Variants in FGF14 observed in about 807,000 individuals in gnomAD.
FGF14 encodes the protein fibroblast growth factor homologous factor 4.
In FGF14, 5 loss-of-function variants were observed where a neutral mutation model predicts 25.5. That is an observed-to-expected ratio of 0.20 (90% CI 0.10 to 0.41). FGF14 has a LOEUF of 0.41. FGF14 is among the 10% of genes least tolerant of loss of function. FGF14 has a pLI of 1.00. For missense variants in FGF14, 222 were observed against 320.1 expected (o/e 0.69, Z 2.34); for synonymous variants, 138 against 118.3 (o/e 1.17, Z -1.08).
At chr13:102,137,910 AGG>A (rs1175849432) in intron 1 of FGF14, among the ~76,000 whole-genome samples, 1 of 146,408 alleles carries the variant, frequency 6.8e-6, no homozygotes, top group Non-Finnish European at 1.5e-5. Flanking sequence ...GCCTCAGTCC[AGG>A]GTGATGGAGG....
At chr13:101,738,305 A>AT (rs564157136) in intron 3 of FGF14, among the ~76,000 whole-genome samples, 2 of 152,138 alleles carry the variant, frequency 1.3e-5, no homozygotes, top group African/African-American at 2.4e-5. Context: ...AAGGGGTTTA[A>AT]TTTTTTCCCC....
intron 1 of FGF14, among the ~76,000 whole-genome samples, chr13:102,057,367 G>C (rs186207631): frequency 1.6e-4 from 24 of 152,278 alleles, no homozygotes; most frequent in Admixed American, 1.2e-3. Context: ...TCAGTCAACA[G>C]TGAGTCTGAT....
At chr13:102,169,831 C>T (rs1189387844) in intron 1 of FGF14, among the ~76,000 whole-genome samples, 1 of 149,102 alleles carries the variant, frequency 6.7e-6, no homozygotes, top group Non-Finnish European at 1.5e-5. Context: ...TATAGCTACA[C>T]CACCCAGTCC....
intron 1 of FGF14, among the ~76,000 whole-genome samples, chr13:102,344,143 T>A (rs949399507): frequency 1.3e-5 from 2 of 152,208 alleles, no homozygotes; most frequent in African/African-American, 4.8e-5. Context: ...TGATCCTCCA[T>A]GAATAAATTA....
intron 1 of FGF14, among the ~76,000 whole-genome samples, chr13:102,119,905 G>C (rs2045640412): frequency 6.6e-6 from 1 of 152,082 alleles, no homozygotes; most frequent in Non-Finnish European, 1.5e-5. Flanking sequence ...GCCAGGATGG[G>C]GCTTGGGCAT....
chr13:102,315,291 C>CT (rs1304711463), intron 1 of FGF14, among the ~76,000 whole-genome samples: 1 of 152,136 alleles, frequency 6.6e-6, no homozygotes, highest in Non-Finnish European at 1.5e-5. Flanking sequence ...GTCAGTCACA[C>CT]TTTCACAGAC....
At chr13:102,116,010 T>C (rs2045453074) in intron 1 of FGF14, among the ~76,000 whole-genome samples, 1 of 152,060 alleles carries the variant, frequency 6.6e-6, no homozygotes, top group African/African-American at 2.4e-5. Flanking sequence ...CCAAGGAGGC[T>C]GAGGCAGGAG....
chr13:102,308,934 A>C (rs2390701), intron 1 of FGF14, among the ~76,000 whole-genome samples: 70,841 of 139,516 alleles, frequency 0.51, 18,540 homozygotes, highest in Middle Eastern at 0.62. Context: ...AAAAAAAAAA[A>C]CACAAAAAAA....
intron 3 of FGF14, among the ~76,000 whole-genome samples, chr13:101,802,671 T>C (rs1472431058): frequency 6.6e-6 from 1 of 152,230 alleles, no homozygotes; most frequent in African/African-American, 2.4e-5. Flanking sequence ...AAATTATATG[T>C]ATTTCCAAAC....
At chr13:101,841,365 G>T (rs2043183119) in intron 3 of FGF14, among the ~76,000 whole-genome samples, 1 of 151,874 alleles carries the variant, frequency 6.6e-6, no homozygotes, top group African/African-American at 2.4e-5. Context: ...CTGGGTTCCA[G>T]GTCAAAGATC....
intron 1 of FGF14, among the ~76,000 whole-genome samples, chr13:102,164,717 T>C (rs2047924993): frequency 6.6e-6 from 1 of 152,174 alleles, no homozygotes; most frequent in African/African-American, 2.4e-5. Context: ...TCAGTTTGAC[T>C]AGTCACGGTT....
At chr13:102,077,538 T>A (rs2043420425) in intron 1 of FGF14, among the ~76,000 whole-genome samples, 1 of 152,150 alleles carries the variant, frequency 6.6e-6, no homozygotes, top group South Asian at 2.1e-4. Flanking sequence ...ATATGAAAAA[T>A]GTTCGGCATC....
At chr13:101,765,699 TTTA>T (rs1329517281) in intron 3 of FGF14, among the ~76,000 whole-genome samples, 106 of 150,684 alleles carry the variant, frequency 7.0e-4, no homozygotes, top group South Asian at 1.2e-3. Context: ...AAGCCTTTTA[TTTA>T]TTATTATTAT....
At chr13:102,201,109 A>G (rs2049620516) in intron 1 of FGF14, among the ~76,000 whole-genome samples, 1 of 19,278 alleles carries the variant, frequency 5.2e-5, no homozygotes, top group East Asian at 2.2e-3. Flanking sequence ...TCTCAAAAAA[A>G]AAAAAAAAAA....
At chr13:102,238,845 G>A (rs754634278) in intron 1 of FGF14, among the ~76,000 whole-genome samples, 1 of 152,130 alleles carries the variant, frequency 6.6e-6, no homozygotes, top group Middle Eastern at 3.2e-3. Context: ...GCTCATTTAT[G>A]TGACTTATGT....
chr13:102,148,166 T>C (rs756585942), intron 1 of FGF14, among the ~76,000 whole-genome samples: 1 of 152,142 alleles, frequency 6.6e-6, no homozygotes, highest in Non-Finnish European at 1.5e-5. Context: ...TTCTGTGCAG[T>C]TACTCTCTAA....
intron 1 of FGF14, among the ~76,000 whole-genome samples, chr13:102,205,451 AC>A (rs2049861292): frequency 6.6e-6 from 1 of 152,202 alleles, no homozygotes; most frequent in African/African-American, 2.4e-5. Context: ...TAACTAAAGT[AC>A]TGTAGGTATT....
intron 1 of FGF14, among the ~76,000 whole-genome samples, chr13:102,385,821 T>C (rs1034684444): frequency 6.6e-6 from 1 of 152,158 alleles, no homozygotes; most frequent in African/African-American, 2.4e-5. Flanking sequence ...CATAAATACA[T>C]TCAACTTGCT....
At chr13:101,915,642 T>C (rs2033394012) in intron 1 of FGF14, among the ~76,000 whole-genome samples, 1 of 152,210 alleles carries the variant, frequency 6.6e-6, no homozygotes, top group Admixed American at 6.5e-5. Context: ...TCCTAGGTAC[T>C]AGTTTCTCAA....
Sources: allele counts gnomAD v4.1 joint callset (sites outside exome capture counted in the v4.1 genomes callset), GRCh38; gene constraint gnomAD v4.1.1; transcripts MANE v1.5; gene names NCBI Gene and HGNC (gene_info 2026-07-23, HGNC 2026-07-21).